MED14: variants seen among roughly 807,000 people sequenced by gnomAD.
MED14 encodes mediator of RNA polymerase II transcription subunit 14.
Under a neutral mutation model 109.0 loss-of-function variants are expected in MED14, and 8 were observed. The ratio of observed to expected loss-of-function variants is 0.07; its 90% CI spans 0.04 to 0.13. The LOEUF (loss-of-function observed/expected upper bound fraction) is 0.13, where lower values mean the gene tolerates loss of function less well. Among genes scored for constraint, MED14 ranks in the 10% least tolerant of loss-of-function variants. MED14 has a pLI of 1.00. For missense variants in MED14, 711 were observed against 1,142.4 expected (o/e 0.62, Z 5.44); for synonymous variants, 399 against 408.7 (o/e 0.98, Z 0.29).
intron 28 of MED14, among the ~76,000 whole-genome samples, chrX:40,656,441 G>A (rs1054581937): frequency 1.1e-4 from 12 of 112,314 alleles, no homozygotes; most frequent in African/African-American, 3.9e-4. Flanking sequence ...TAAAACTGTT[G>A]ACAAGGATGT....
chrX:40,688,312 C>G, intron 16 of MED14, 142 bp downstream of exon 16: 1 of 444,602 alleles, frequency 2.2e-6, no homozygotes, highest in Non-Finnish European at 4.0e-6. Context: ...GAATCTTCCC[C>G]CAGACCCTAG....
chrX:40,683,286 C>T (rs1188940927), intron 16 of MED14, among the ~76,000 whole-genome samples: 3 of 111,906 alleles, frequency 2.7e-5, no homozygotes, highest in African/African-American at 9.7e-5. Flanking sequence ...TGGTTTTCTA[C>T]AAAATCTATC....
rs755331275 is a variant in MED14, at chrX:40,663,651, CAG to C, written c.3449-493_3449-492del. Among the ~76,000 whole-genome samples the C allele has an allele frequency of 4.4e-5, 5 of 112,516 alleles. No homozygotes were observed. In the South Asian group the frequency reaches 1.1e-3, roughly 25 times the overall value. ...ACAGACACATGAGTGAGCTGCCCAG[CAG>C]AGTCTGAAAGAATCACTCAGCTGTG... On this transcript the variant is annotated intron_variant, in intron 25 of 30. Transcript: ENST00000324817.
chrX:40,697,574 G>A (rs368359827), intron 12 of MED14, among the ~76,000 whole-genome samples: 43 of 111,857 alleles, frequency 3.8e-4, no homozygotes, highest in East Asian at 2.2e-3. Context: ...TATACCTAGC[G>A]GGTCCCAGTA....
At chrX:40,693,209 A>C (rs1930598461) in intron 13 of MED14, among the ~76,000 whole-genome samples, 1 of 111,663 alleles carries the variant, frequency 9.0e-6, no homozygotes, top group African/African-American at 3.3e-5. Context: ...AATTGAAAAA[A>C]ACAAAAACAA....
At chrX:40,735,726 T>C (rs892177315), upstream of MED14, 1 of 426,796 alleles carries the variant, frequency 2.3e-6, no homozygotes, top group Non-Finnish European at 4.3e-6. Context: ...ACGTACATGT[T>C]GACTGCCCGA....
intron 23 of MED14, among the ~76,000 whole-genome samples, chrX:40,670,205 C>T (rs1337797548): frequency 8.9e-6 from 1 of 111,932 alleles, no homozygotes; most frequent in African/African-American, 3.3e-5. Flanking sequence ...ATCTGGGCAA[C>T]AAGACAGATT....
intron 2 of MED14, among the ~76,000 whole-genome samples, chrX:40,727,764 T>C (rs1404651801): frequency 9.0e-6 from 1 of 111,592 alleles, no homozygotes; most frequent in Non-Finnish European, 1.9e-5. Context: ...TTAATCTTAG[T>C]ACAGCTGTTC....
chrX:40,686,249 T>C (rs1930289327), intron 16 of MED14, among the ~76,000 whole-genome samples: 1 of 111,788 alleles, frequency 8.9e-6, no homozygotes, highest in Admixed American at 9.5e-5. Flanking sequence ...GGTAGGACTC[T>C]TACGCATTCT....
intron 26 of MED14, among the ~76,000 whole-genome samples, chrX:40,661,863 C>T (rs1189341988): frequency 2.7e-5 from 3 of 109,517 alleles, no homozygotes; most frequent in African/African-American, 6.7e-5. Context: ...TTCAATTGTT[C>T]ATTTATTTAT....
chrX:40,735,572 C>T (rs1204381212), upstream of MED14: 2 of 555,259 alleles, frequency 3.6e-6, no homozygotes, highest in Non-Finnish European at 6.1e-6. Context: ...GGAAGCCCGC[C>T]CCCATGTAGC....
Position 40,714,442 on chromosome X carries a change from T to C in MED14, c.522+95A>G. On this transcript the variant is annotated intron_variant, in intron 4 of 30. Coordinates refer to ENST00000324817, the MANE Select transcript of MED14 (RefSeq NM_004229.4). Reference sequence around the variant, plus strand: ...AGCAAACTATATGTACTGTTTGTTTTAACAATGTTTTTTGCTGGGCTACTT... The same window carrying C: ...AGCAAACTATATGTACTGTTTGTTTCAACAATGTTTTTTGCTGGGCTACTT... 5 of 953,577 alleles carry C rather than the reference T, an allele frequency of 5.2e-6. No individual in the cohort carries two copies. The South Asian group carries it at 1.1e-4, about 20-fold the overall frequency. The allele number at this position is 953,577 out of a possible 1,213,427, so 78.6% of individuals were successfully genotyped here.
At chrX:40,696,926 T>C in intron 13 of MED14, 98 bp downstream of exon 13, 1 of 777,158 alleles carries the variant, frequency 1.3e-6, no homozygotes, top group Non-Finnish European at 1.9e-6. Flanking sequence ...AAGTCAAATA[T>C]TCAATAAAAT....
intron 11 of MED14, among the ~76,000 whole-genome samples, chrX:40,702,938 T>C (rs938135135): frequency 1.8e-5 from 2 of 112,179 alleles, no homozygotes; most frequent in African/African-American, 6.5e-5. Flanking sequence ...TATTTCATCA[T>C]TTCATAACAC....
chrX:40,665,117 T>C (rs1434184485), intron 24 of MED14, among the ~76,000 whole-genome samples: 1 of 112,421 alleles, frequency 8.9e-6, no homozygotes, highest in Non-Finnish European at 1.9e-5. Flanking sequence ...AAAAATACTT[T>C]TACCATGTAT....
At chrX:40,725,440 T>C (rs1343372223) in intron 3 of MED14, among the ~76,000 whole-genome samples, 1 of 111,437 alleles carries the variant, frequency 9.0e-6, no homozygotes, top group Admixed American at 9.5e-5. Flanking sequence ...AACAAAATAC[T>C]AGCAAACCAA....
In MED14 at chrX:40,714,654, G is replaced by A; in HGVS notation, c.405C>T (p.Arg135=). The A allele has an allele frequency of 1.2e-5, 14 of 1,211,427 alleles. No individual in the cohort carries two copies. The highest frequency in any genetic ancestry group is 1.6e-5 in the Non-Finnish European group (14 of 895,318). ...GAGCATCTCTAGCTAACGAGGCCAGGCGATCAGCAGTGTCCACAAACAGGA... is the reference window on the plus strand; with the variant it reads ...GAGCATCTCTAGCTAACGAGGCCAGACGATCAGCAGTGTCCACAAACAGGA... The part of the protein sequence containing the change: ...QAILFVDTAD[R]LASLARDALV... Residue 135 remains arginine (R), a synonymous_variant, in exon 4 of 31, where the codon CGC becomes CGT. Coordinates refer to ENST00000324817, the MANE Select transcript of MED14 (RefSeq NM_004229.4).
At chrX:40,667,218 T>C (rs1929527362) in intron 23 of MED14, among the ~76,000 whole-genome samples, 1 of 111,596 alleles carries the variant, frequency 9.0e-6, no homozygotes, top group South Asian at 3.7e-4. Context: ...TATATTCTAA[T>C]AGAATGAGAA....
intron 22 of MED14, among the ~76,000 whole-genome samples, chrX:40,673,084 T>G (rs1475364506): frequency 1.8e-5 from 2 of 112,020 alleles, no homozygotes; most frequent in African/African-American, 6.5e-5. Context: ...ACAACTGTCT[T>G]ATCAGGGAGA....
Sources: allele counts gnomAD v4.1 joint callset (sites outside exome capture counted in the v4.1 genomes callset), GRCh38; gene constraint gnomAD v4.1.1; transcripts MANE v1.5; gene names NCBI Gene and HGNC (gene_info 2026-07-23, HGNC 2026-07-21).